COL6A2: variants seen among roughly 807,000 people sequenced by gnomAD.
The protein encoded by COL6A2 is collagen type VI alpha 2 chain.
COL6A2 carries 90 observed loss-of-function variants against 124.9 expected under a neutral mutation model. That is an observed-to-expected ratio of 0.72 (90% CI 0.61 to 0.86). COL6A2 has a LOEUF of 0.86. COL6A2 is among the 40% of genes least tolerant of loss of function. COL6A2 has a pLI of 0.00. For missense variants in COL6A2, 1,607 were observed against 1,502.5 expected (o/e 1.07, Z -1.15); for synonymous variants, 793 against 618.2 (o/e 1.28, Z -4.19).
Position 46,116,160 on chromosome 21 carries a change from G to T in COL6A2, c.900+107G>T. 1.6e-6 allele frequency: 2 copies of T among 1,274,446 alleles called. No individual in the cohort carries two copies. The highest frequency in any genetic ancestry group is 2.2e-6 in the Non-Finnish European group (2 of 896,590). 78.9% of individuals were successfully genotyped at this position (1,274,446 alleles called of 1,614,324 possible). On this transcript the variant is annotated intron_variant, in intron 7 of 27. Coordinates refer to ENST00000300527, the MANE Select transcript of COL6A2 (RefSeq NM_001849.4). The surrounding 1 kb of genome is among the most constrained non-coding windows in gnomAD (Gnocchi z 4.6). The stretch of plus-strand genomic sequence containing the variant: ...CTCAGCCTCTACGACCCTCCCCCCA[G>T]TTACCAAGGAACAGAAGCACCTCGA...
At chr21:46,128,848 C>A (rs139651715) in intron 27 of COL6A2, 3 of 1,476,408 alleles carry the variant, frequency 2.0e-6, no homozygotes. Flanking sequence ...GTCTTCCTGG[C>A]GACGGGCCTG....
At position 46,125,954 on chromosome 21, in the gene COL6A2, C is replaced by T. The variant is rs1295994902; in HGVS notation, c.2139C>T (p.Arg713=). ...TPSALKFAYD[R]LIKESRRQKT... is the part of the protein sequence containing the mutation. ...CAGCCCTCAAGTTTGCCTACGACCG[C>T]CTCATCAAGGAGAGCCGGCGCCAGA... is the stretch of plus-strand genomic sequence containing the variant. The change falls in exon 26 of 28, where the codon CGC becomes CGT. Residue 713 remains arginine, a synonymous_variant. Coordinates refer to ENST00000300527, the MANE Select transcript of COL6A2 (RefSeq NM_001849.4). 1 of 1,613,228 alleles carries T rather than the reference C, an allele frequency of 6.2e-7. No individual in the cohort carries two copies. Among genetic ancestry groups the T allele is most frequent in the Non-Finnish European group, 8.5e-7 (1 of 1,179,966 alleles).
chr21:46,105,333 C>G lies in COL6A2; in HGVS notation c.-27-6117C>G, dbSNP rs540419986. Among the ~76,000 whole-genome samples, 305 of 152,260 alleles carry G rather than the reference C, an allele frequency of 2.0e-3. 1 individual carries two copies. The highest frequency in any genetic ancestry group is 7.1e-3 in the African/African-American group (294 of 41,542). On this transcript the variant is annotated intron_variant, in intron 1 of 27. Transcript: ENST00000300527. The stretch of plus-strand genomic sequence containing the variant: ...CCTGGGAGGTTGAAGCTGCAGTGAG[C>G]TGTCACCACACCACTGCACTCCAGC...
rs533913213 is a variant in COL6A2, at chr21:46,118,148, C to T, written c.1116+212C>T. Among the ~76,000 whole-genome samples, 1,175 of 152,156 alleles carry T rather than the reference C, an allele frequency of 7.7e-3. 7 individuals are homozygous for T. Among genetic ancestry groups the T allele is most frequent in the Non-Finnish European group, 0.012 (816 of 67,956 alleles). On this transcript the variant is annotated intron_variant, in intron 12 of 27. Coordinates refer to ENST00000300527, the MANE Select transcript of COL6A2 (RefSeq NM_001849.4). ...CTTGGGCGGCCCCGCCGCTGCTCACCGAGGCCTCGGCAACAAACCCACCTC... is the reference window on the plus strand; with the variant it reads ...CTTGGGCGGCCCCGCCGCTGCTCACTGAGGCCTCGGCAACAAACCCACCTC...
chr21:46,112,554 A>G lies in COL6A2; in HGVS notation c.691A>G (p.Ile231Val). 3.7e-6 allele frequency: 6 copies of G among 1,612,080 alleles called. No homozygotes were observed. Among genetic ancestry groups the G allele is most frequent in the Non-Finnish European group, 5.1e-6 (6 of 1,179,840 alleles). The part of the protein sequence containing the change: ...PDSTEIDQDT[I>V]NRIIKVMKHE... ...CTCCACCGAGATCGACCAGGACACC[A>G]TCAACCGCATCATCAAGGTCATGGT... Residue 231 changes from isoleucine to valine, a missense_variant, in exon 3 of 28, where the codon ATC becomes GTC. By Grantham distance (29) the Ile-to-Val change is conservative. This residue lies in a region of COL6A2 where 342 missense variants were observed against 381.5 expected (regional missense o/e 0.90). Coordinates refer to ENST00000300527, the MANE Select transcript of COL6A2 (RefSeq NM_001849.4).
Position 46,132,053 on chromosome 21 carries a change from G to T in COL6A2, c.2561G>T (p.Arg854Leu). 6.2e-7 allele frequency: 1 copy of T among 1,607,074 alleles called. No homozygotes were observed. The highest frequency in any genetic ancestry group is 8.5e-7 in the Non-Finnish European group (1 of 1,178,866). The change falls in exon 28 of 28, where the codon CGC becomes CTC. Residue 854 changes from arginine to leucine, a missense_variant. By Grantham distance (102) the Arg-to-Leu change is moderately radical (BLOSUM62 -2). Coordinates refer to ENST00000300527, the MANE Select transcript of COL6A2 (RefSeq NM_001849.4). ...LGEQNFHKARRFVEQVARRLT... is the reference protein window; with the variant it reads ...LGEQNFHKARLFVEQVARRLT... ...GAGCAGAACTTCCACAAGGCCCGGC[G>T]CTTCGTGGAGCAGGTGGCGCGGCGG...
chr21:46,107,943 G>A (rs185675289), intron 1 of COL6A2, among the ~76,000 whole-genome samples: 56 of 152,142 alleles, frequency 3.7e-4, no homozygotes, highest in Non-Finnish European at 6.2e-4. Context: ...CATGGGTCAT[G>A]GCCACTCATA....
chr21:46,111,155 C>G (rs2078392952), intron 1 of COL6A2, among the ~76,000 whole-genome samples: 1 of 152,158 alleles, frequency 6.6e-6, no homozygotes, highest in Non-Finnish European at 1.5e-5. Context: ...CCCAGCTACC[C>G]ACTCCACCCA....
intron 22 of COL6A2, 53 bp downstream of exon 22, chr21:46,124,766 A>AAC: frequency 6.2e-7 from 1 of 1,604,086 alleles, no homozygotes; most frequent in South Asian, 1.1e-5. Context: ...AGGCCAACAC[A>AAC]CACCCAAGCC....
intron 15 of COL6A2, 93 bp downstream of exon 15, chr21:46,119,943 A>C (rs1415125359): frequency 1.7e-6 from 2 of 1,148,172 alleles, no homozygotes; most frequent in East Asian, 5.1e-5. Context: ...CCAGAGAACA[A>C]CAGAACCCCA....
intron 4 of COL6A2, 108 bp downstream of exon 4, chr21:46,112,932 G>GTGACTCCCTCTCCTCTC: frequency 1.4e-6 from 2 of 1,420,672 alleles, no homozygotes; most frequent in Non-Finnish European, 2.0e-6. Context: ...CAGATGAGAG[G>GTGACTCCCTCTCCTCTC]AGAGGGAGTC....
chr21:46,131,372 G>A (rs2078757871), intron 27 of COL6A2, among the ~76,000 whole-genome samples: 1 of 152,226 alleles, frequency 6.6e-6, no homozygotes, highest in African/African-American at 2.4e-5. Flanking sequence ...TCATAGGGCA[G>A]AACCCACCTG....
At chr21:46,127,474 T>C (rs1275051750) in intron 27 of COL6A2, among the ~76,000 whole-genome samples, 1 of 152,082 alleles carries the variant, frequency 6.6e-6, no homozygotes, top group African/African-American at 2.4e-5. Flanking sequence ...ACCTAGGGCT[T>C]GCACCTGGGT....
chr21:46,131,220 G>T (rs895626160), intron 27 of COL6A2, among the ~76,000 whole-genome samples: 1 of 152,236 alleles, frequency 6.6e-6, no homozygotes, highest in Non-Finnish European at 1.5e-5. Context: ...GTCCTGTCCT[G>T]TGGTCTCTGG....
chr21:46,101,943 A>AC (rs398121697), intron 1 of COL6A2, among the ~76,000 whole-genome samples: 2 of 140,146 alleles, frequency 1.4e-5, no homozygotes, highest in Non-Finnish European at 3.2e-5. Context: ...GAAAAAAAAA[A>AC]CAATCACTGG....
At chr21:46,118,801 C>T (rs759982052) in intron 13 of COL6A2, 125 bp downstream of exon 13, 5 of 1,216,622 alleles carry the variant, frequency 4.1e-6, no homozygotes, top group East Asian at 2.5e-5. Flanking sequence ...TCTGGGGACA[C>T]GGGGAGGGAC....
intron 1 of COL6A2, among the ~76,000 whole-genome samples, chr21:46,099,889 CTTTTTTTT>C (rs869028897): frequency 1.1e-4 from 10 of 91,840 alleles, no homozygotes; most frequent in Admixed American, 4.4e-4. Flanking sequence ...GCAGCACTGT[CTTTTTTTT>C]TTTTTTTTTT....
chr21:46,119,814 G>A lies in COL6A2; in HGVS notation c.1296G>A (p.Lys432=). 1.9e-6 allele frequency: 3 copies of A among 1,564,734 alleles called. No individual in the cohort carries two copies. Among genetic ancestry groups the A allele is most frequent in the Non-Finnish European group, 2.6e-6 (3 of 1,154,254 alleles). ...EPGRRGDPGT[K]GSPGSDGPKG... ...GGCGCAGGGGAGACCCCGGCACCAA[G>A]GGCAGCCCAGGCAGCGATGGCCCCA... The change falls in exon 15 of 28, where the codon AAG becomes AAA. Residue 432 remains lysine, a synonymous_variant. Coordinates refer to ENST00000300527, the MANE Select transcript of COL6A2 (RefSeq NM_001849.4).
At position 46,125,995 on chromosome 21, in the gene COL6A2, C is replaced by T. The variant is rs1408523098; in HGVS notation, c.2180C>T (p.Ala727Val). 7.4e-6 allele frequency: 12 copies of T among 1,612,930 alleles called. No homozygotes were observed. The highest frequency in any genetic ancestry group is 1.6e-4 in the Middle Eastern group (1 of 6,084). The stretch of plus-strand genomic sequence containing the variant: ...CGGCGCCAGAAGACACGTGTGTTTG[C>T]GGTGGTCATCACGGACGGGCGCCAC... ...ESRRQKTRVF[A>V]VVITDGRHDP... The change falls in exon 26 of 28, where the codon GCG becomes GTG. Residue 727 changes from alanine to valine, a missense_variant. Physicochemically the swap from Ala to Val is moderately conservative, Grantham distance 64. Around this residue, in one of 3 missense-constraint regions of COL6A2, gnomAD observed 1,223 missense variants for 1,052.2 expected, o/e 1.16. Coordinates refer to ENST00000300527, the MANE Select transcript of COL6A2 (RefSeq NM_001849.4).
Sources: allele counts gnomAD v4.1 joint callset (sites outside exome capture counted in the v4.1 genomes callset), GRCh38; gene constraint gnomAD v4.1.1; regional missense constraint gnomAD v4.1.1; non-coding constraint Gnocchi (gnomAD v3.1); transcripts MANE v1.5; gene names NCBI Gene and HGNC (gene_info 2026-07-23, HGNC 2026-07-21).